Variants in ZNF277 observed in about 807,000 individuals in gnomAD.
ZNF277 encodes the protein zinc finger protein 277.
Under a neutral mutation model 60.7 loss-of-function variants are expected in ZNF277, and 55 were observed. The ratio of observed to expected loss-of-function variants is 0.91; its 90% CI spans 0.73 to 1.13. The LOEUF (loss-of-function observed/expected upper bound fraction) is 1.13. ZNF277 is among the 50% of genes most tolerant of loss of function. ZNF277 has a pLI of 0.00. For missense variants in ZNF277, 510 were observed against 523.0 expected, an observed-to-expected ratio of 0.98 and a Z score of 0.24; for synonymous variants, 178 against 179.3, an observed-to-expected ratio of 0.99 and a Z score of 0.06.
At chr7:112,333,215 A>C (rs1400705438) in intron 7 of ZNF277, among the ~76,000 whole-genome samples, 1 of 152,068 alleles carries the variant, frequency 6.6e-6, no homozygotes, top group Non-Finnish European at 1.5e-5. Context: ...ACATGAGTGC[A>C]TGAGTGTGGG....
In ZNF277 at chr7:112,339,902, G is replaced by T; in HGVS notation, c.1009+17G>T. The T allele has an allele frequency of 6.2e-7, 1 of 1,606,736 alleles. No individual in the cohort carries two copies. The highest frequency in any genetic ancestry group is 1.1e-5 in the South Asian group (1 of 90,992). ...CAGAACTTGGTAAGTTTGATTCAGA[G>T]GTTTTTTTCTGTGATGCTTCATTTT... is the stretch of plus-strand genomic sequence containing the variant. On this transcript the variant is annotated intron_variant, in intron 10 of 11. Transcript: ENST00000361822.
At chr7:112,300,229 G>A (rs1487055628) in intron 4 of ZNF277, among the ~76,000 whole-genome samples, 1 of 152,126 alleles carries the variant, frequency 6.6e-6, no homozygotes, top group Non-Finnish European at 1.5e-5. Context: ...CTTGACATTT[G>A]CAAGATTTGT....
At chr7:112,337,487 C>G (rs996027685) in intron 8 of ZNF277, among the ~76,000 whole-genome samples, 3 of 152,076 alleles carry the variant, frequency 2.0e-5, no homozygotes, top group Non-Finnish European at 4.4e-5. Context: ...CTCAGAAGAA[C>G]GGCAAATAGG....
chr7:112,268,337 G>A (rs545771951), intron 1 of ZNF277, among the ~76,000 whole-genome samples: 1 of 151,466 alleles, frequency 6.6e-6, no homozygotes, highest in Admixed American at 6.7e-5. Flanking sequence ...CTGGAAAGCT[G>A]TAGGGCTTAA....
intron 1 of ZNF277, among the ~76,000 whole-genome samples, chr7:112,233,370 A>G (rs1478226005): frequency 3.9e-5 from 6 of 152,178 alleles, no homozygotes; most frequent in Non-Finnish European, 1.5e-5. Context: ...CCAGTGCTAC[A>G]TTGGCTTTCC....
rs1793193259 is a variant in ZNF277, at chr7:112,330,182, G to A, written c.767G>A (p.Arg256Lys). ...KQHRKINPKNREYDRFYVINY... is the reference protein window; with the variant it reads ...KQHRKINPKNKEYDRFYVINY... ...CATCGTAAGATTAATCCTAAGAACA[G>A]AGAATATGACAGATTTTATGTCATC... is the stretch of plus-strand genomic sequence containing the variant. Residue 256 changes from arginine (R) to lysine (K), a missense_variant, in exon 7 of 12, where the codon AGA becomes AAA. By Grantham distance (26) the Arg-to-Lys change is conservative. Coordinates refer to ENST00000361822, the MANE Select transcript of ZNF277 (RefSeq NM_021994.3). 1 of 1,612,890 alleles carries A rather than the reference G, an allele frequency of 6.2e-7. No individual in the cohort carries two copies.
rs75767969 is a variant in ZNF277 at position 112,310,639 on chromosome 7, C to A, written c.466-7543C>A. ...GGTATAAGTGAAATAATCCCAGATA[C>A]CTCAGAGTTAATCCATGGTTCTTAA... On this transcript the variant is annotated intron_variant, in intron 4 of 11. Coordinates refer to ENST00000361822, the MANE Select transcript of ZNF277 (RefSeq NM_021994.3). Among the ~76,000 whole-genome samples the A allele has an allele frequency of 1.7e-3, 265 of 152,066 alleles. 2 individuals are homozygous for A. The East Asian group carries it at 0.035, about 20-fold the overall frequency.
At chr7:112,308,377 C>T (rs1387790165) in intron 4 of ZNF277, among the ~76,000 whole-genome samples, 2 of 151,884 alleles carry the variant, frequency 1.3e-5, no homozygotes, top group African/African-American at 4.8e-5. Context: ...ATTAGCCAGG[C>T]GTCATGGCAC....
chr7:112,271,919 G>C (rs1387778356), intron 1 of ZNF277, among the ~76,000 whole-genome samples: 1 of 152,050 alleles, frequency 6.6e-6, no homozygotes, highest in Non-Finnish European at 1.5e-5. Flanking sequence ...ATTACCTCAA[G>C]AATTTATCCT....
At chr7:112,325,617 G>A (rs1464462501) in intron 5 of ZNF277, among the ~76,000 whole-genome samples, 1 of 152,132 alleles carries the variant, frequency 6.6e-6, no homozygotes, top group Non-Finnish European at 1.5e-5. Context: ...TTCAGAGCAA[G>A]CCTAGGCTCA....
At chr7:112,212,922 T>C (rs1034338532) in intron 1 of ZNF277, among the ~76,000 whole-genome samples, 7 of 152,248 alleles carry the variant, frequency 4.6e-5, no homozygotes, top group Admixed American at 3.3e-4. Context: ...TCAAGTAACA[T>C]TGTATACTGG....
chr7:112,235,148 T>G (rs1822454107), intron 1 of ZNF277, among the ~76,000 whole-genome samples: 1 of 152,124 alleles, frequency 6.6e-6, no homozygotes, highest in South Asian at 2.1e-4. Flanking sequence ...TATTTTTAAA[T>G]TTTTCATTAT....
chr7:112,243,081 C>G (rs1035703630), intron 1 of ZNF277, among the ~76,000 whole-genome samples: 3 of 151,744 alleles, frequency 2.0e-5, no homozygotes, highest in African/African-American at 7.3e-5. Context: ...AAAAGGACAC[C>G]CTATTCGATC....
At chr7:112,339,598 C>T (rs1363031137) in intron 9 of ZNF277, among the ~76,000 whole-genome samples, 1 of 152,178 alleles carries the variant, frequency 6.6e-6, no homozygotes, top group Non-Finnish European at 1.5e-5. Context: ...GGATTATAGG[C>T]GTGAGCCACC....
At chr7:112,320,975 G>A (rs1303127735) in intron 5 of ZNF277, among the ~76,000 whole-genome samples, 1 of 135,062 alleles carries the variant, frequency 7.4e-6, no homozygotes, top group Non-Finnish European at 1.5e-5. Context: ...AGCCTGGAGT[G>A]CAGTGGCAGG....
intron 1 of ZNF277, among the ~76,000 whole-genome samples, chr7:112,244,797 T>G (rs1037779078): frequency 6.6e-6 from 1 of 152,158 alleles, no homozygotes; most frequent in African/African-American, 2.4e-5. Flanking sequence ...TAACCTACAC[T>G]TTCTGTTTGT....
chr7:112,281,541 A>G (rs1205266632), intron 1 of ZNF277, among the ~76,000 whole-genome samples: 1 of 152,200 alleles, frequency 6.6e-6, no homozygotes, highest in Non-Finnish European at 1.5e-5. Flanking sequence ...TTAGAATTCA[A>G]TGTAATTTTT....
chr7:112,211,916 G>T (rs1821758713), intron 1 of ZNF277, among the ~76,000 whole-genome samples: 1 of 152,174 alleles, frequency 6.6e-6, no homozygotes, highest in Non-Finnish European at 1.5e-5. Context: ...AGTAAACATT[G>T]TATAACAGTC....
intron 1 of ZNF277, among the ~76,000 whole-genome samples, chr7:112,257,696 A>T (rs566315105): frequency 3.3e-5 from 5 of 152,306 alleles, no homozygotes; most frequent in African/African-American, 1.2e-4. Context: ...GGCAAACAAT[A>T]ACATACCTTC....
Sources: gnomAD v4.1 joint callset for allele counts (sites outside exome capture counted in the v4.1 genomes callset) on GRCh38, gnomAD v4.1.1 for gene constraint, MANE v1.5 for transcripts, NCBI Gene and HGNC (gene_info 2026-07-23, HGNC 2026-07-21) for gene names.